Variants in MARCHF1 observed in about 807,000 individuals in gnomAD.
MARCHF1 encodes the protein membrane associated ring-CH-type finger 1.
Under a neutral mutation model 54.2 loss-of-function variants are expected in MARCHF1, and 40 were observed. The observed-to-expected ratio is 0.74, with a 90% CI of 0.57 to 0.96. The LOEUF (loss-of-function observed/expected upper bound fraction) is 0.96. Ranked by LOEUF, MARCHF1 falls within the 40% of genes least tolerant of loss-of-function variation. MARCHF1 has a pLI of 0.00. For synonymous variants in MARCHF1, 236 were observed against 236.3 expected, an observed-to-expected ratio of 1.00 and a Z score of 0.01; for missense variants, 586 against 656.5, an observed-to-expected ratio of 0.89 and a Z score of 1.17.
intron 2 of MARCHF1, among the ~76,000 whole-genome samples, chr4:164,074,083 G>A (rs965138298): frequency 1.3e-5 from 2 of 152,086 alleles, no homozygotes; most frequent in Non-Finnish European, 1.5e-5. Flanking sequence ...TATATCAATT[G>A]TTTTGCTAGG....
chr4:163,984,933 T>C (rs1341411231), intron 3 of MARCHF1, among the ~76,000 whole-genome samples: 1 of 152,126 alleles, frequency 6.6e-6, no homozygotes, highest in Non-Finnish European at 1.5e-5. Context: ...TTTGAAGAGG[T>C]ATCTTCTCCC....
intron 1 of MARCHF1, among the ~76,000 whole-genome samples, chr4:164,114,508 G>A (rs1276618384): frequency 2.6e-5 from 4 of 151,510 alleles, no homozygotes; most frequent in African/African-American, 4.8e-5. Context: ...TTAAATGACA[G>A]GAATTGTTAA....
intron 5 of MARCHF1, among the ~76,000 whole-genome samples, chr4:163,670,392 A>G (rs147058970): frequency 5.5e-3 from 206 of 37,514 alleles, no homozygotes; most frequent in Middle Eastern, 0.015. Context: ...CTGTCTGTCT[A>G]TCTATCTATC....
At chr4:164,236,893 G>T (rs1560967166) in intron 1 of MARCHF1, among the ~76,000 whole-genome samples, 1 of 152,036 alleles carries the variant, frequency 6.6e-6, no homozygotes, top group Non-Finnish European at 1.5e-5. Context: ...TCCTAACAAT[G>T]CTTCCTCCAA....
At chr4:163,821,297 T>C (rs1278945063) in intron 4 of MARCHF1, among the ~76,000 whole-genome samples, 1 of 152,002 alleles carries the variant, frequency 6.6e-6, no homozygotes, top group Non-Finnish European at 1.5e-5. Flanking sequence ...CTCTCCTCTC[T>C]AGGATCCACT....
intron 1 of MARCHF1, among the ~76,000 whole-genome samples, chr4:164,312,709 A>T (rs9790714): frequency 0.023 from 3,490 of 152,296 alleles, 59 homozygotes; most frequent in South Asian, 0.062. Flanking sequence ...TCTTAGTCTC[A>T]TATCGCTCAC....
intron 4 of MARCHF1, among the ~76,000 whole-genome samples, chr4:163,752,836 C>T (rs1746563770): frequency 6.6e-6 from 1 of 152,122 alleles, no homozygotes; most frequent in South Asian, 2.1e-4. Context: ...TTGTTGAAAA[C>T]TAGAGTTCGA....
rs1197580510 is a variant in MARCHF1, at chr4:163,634,725, C to T, written c.163-21332G>A. On this transcript the variant is annotated intron_variant, in intron 5 of 9. Transcript: ENST00000514618. ...TCAACAAGGATACCCAGGAATTGAG[C>T]TCAGCTCTGCACCAAGCGGACCTAA... is the stretch of plus-strand genomic sequence containing the variant. Among the ~76,000 whole-genome samples, 411 of 150,114 alleles carry T rather than the reference C, an allele frequency of 2.7e-3. 1 individual carries two copies. The highest frequency in any genetic ancestry group is 9.4e-3 in the African/African-American group (378 of 40,412).
At chr4:164,060,905 C>T (rs891577) in intron 2 of MARCHF1, among the ~76,000 whole-genome samples, 110,207 of 152,002 alleles carry the variant, frequency 0.73, 40,499 homozygotes, top group Non-Finnish European at 0.79. Flanking sequence ...AACCTCCTCA[C>T]ACAATTACTA....
intron 2 of MARCHF1, among the ~76,000 whole-genome samples, chr4:164,027,566 T>C (rs965494789): frequency 7.9e-5 from 12 of 151,764 alleles, no homozygotes; most frequent in Admixed American, 2.6e-4. Flanking sequence ...AATGAAACTG[T>C]ACCCCTACAT....
At chr4:163,639,986 G>A (rs1191950411) in intron 5 of MARCHF1, among the ~76,000 whole-genome samples, 1 of 152,100 alleles carries the variant, frequency 6.6e-6, no homozygotes, top group Non-Finnish European at 1.5e-5. Flanking sequence ...TCATCTCACA[G>A]ATCACTCCAA....
chr4:164,179,436 T>G (rs930547340), intron 1 of MARCHF1, among the ~76,000 whole-genome samples: 23 of 152,138 alleles, frequency 1.5e-4, no homozygotes, highest in African/African-American at 5.6e-4. Flanking sequence ...AGTAGTAAGT[T>G]TATATGGATT....
intron 1 of MARCHF1, among the ~76,000 whole-genome samples, chr4:164,149,709 C>G (rs968456039): frequency 2.6e-5 from 4 of 152,056 alleles, no homozygotes; most frequent in African/African-American, 9.7e-5. Flanking sequence ...TGAATCCACA[C>G]AGTTTTGGAT....
intron 4 of MARCHF1, among the ~76,000 whole-genome samples, chr4:163,731,896 A>C (rs1745851161): frequency 6.6e-6 from 1 of 152,160 alleles, no homozygotes; most frequent in South Asian, 2.1e-4. Flanking sequence ...ATGGCCTAAC[A>C]AATAAAAGCG....
At chr4:164,189,400 G>C in intron 1 of MARCHF1, 1 of 674,730 alleles carries the variant, frequency 1.5e-6, no homozygotes, top group Non-Finnish European at 2.7e-6. Context: ...TATGAGGCCT[G>C]TCCAGAAAGT....
At chr4:164,000,492 TAG>T (rs1317517993) in intron 2 of MARCHF1, among the ~76,000 whole-genome samples, 5 of 151,534 alleles carry the variant, frequency 3.3e-5, no homozygotes, top group Non-Finnish European at 4.4e-5. Flanking sequence ...GAGAAAGATT[TAG>T]AGAAAGAGAA....
At chr4:163,583,423 C>T (rs1409610560) in intron 8 of MARCHF1, among the ~76,000 whole-genome samples, 1 of 152,080 alleles carries the variant, frequency 6.6e-6, no homozygotes, top group Non-Finnish European at 1.5e-5. Flanking sequence ...TCCAACACCC[C>T]TATACATATA....
chr4:163,815,745 T>C (rs1439384979), intron 4 of MARCHF1, among the ~76,000 whole-genome samples: 1 of 152,148 alleles, frequency 6.6e-6, no homozygotes, highest in African/African-American at 2.4e-5. Context: ...TTGTTCTATA[T>C]AGATTTTATA....
intron 3 of MARCHF1, among the ~76,000 whole-genome samples, chr4:163,929,781 GCAGGACTAGATCCCA>G (rs926099420): frequency 4.0e-5 from 6 of 150,288 alleles, no homozygotes; most frequent in African/African-American, 1.5e-4. Flanking sequence ...TTTTTGCAGG[GCAGGACTAGATCCCA>G]TATATTCTGA....
Sources: gnomAD v4.1 joint callset for allele counts (sites outside exome capture counted in the v4.1 genomes callset) on GRCh38, gnomAD v4.1.1 for gene constraint, MANE v1.5 for transcripts, NCBI Gene and HGNC (gene_info 2026-07-23, HGNC 2026-07-21) for gene names.